Variants in AGBL1 observed in about 807,000 individuals in gnomAD.
AGBL1 encodes AGBL carboxypeptidase 1, also known as cytosolic carboxypeptidase 4.
AGBL1 carries 130 observed loss-of-function variants against 118.9 expected under a neutral mutation model. That is an observed-to-expected ratio of 1.09 (90% CI 0.95 to 1.26). The LOEUF (loss-of-function observed/expected upper bound fraction) is 1.26. AGBL1 is among the 50% of genes most tolerant of loss of function. The pLI, the probability that AGBL1 is intolerant of heterozygous loss-of-function variation, is 0.00. For synonymous variants in AGBL1, 555 were observed against 478.9 expected, an observed-to-expected ratio of 1.16 and a Z score of -2.08; for missense variants, 1,584 against 1,298.1, an observed-to-expected ratio of 1.22 and a Z score of -3.38.
chr15:86,930,040 T>C (rs1382440354), intron 23 of AGBL1, among the ~76,000 whole-genome samples: 1 of 152,288 alleles, frequency 6.6e-6, no homozygotes, highest in Admixed American at 6.5e-5. Context: ...CACGCTTGCT[T>C]GCCGAAGGAA....
At chr15:86,219,887 A>G (rs1291489038) in intron 5 of AGBL1, among the ~76,000 whole-genome samples, 1 of 149,364 alleles carries the variant, frequency 6.7e-6, no homozygotes, top group Non-Finnish European at 1.5e-5. Context: ...TAGAGAGAAG[A>G]CTTTAGGATC....
At position 86,911,576 on chromosome 15, in the gene AGBL1, T is replaced by C. The variant is rs930242753; in HGVS notation, c.*4282T>C. On this transcript the variant is annotated 3_prime_UTR_variant, in exon 23 of 23. Coordinates refer to ENST00000614907, the MANE Select transcript of AGBL1 (RefSeq NM_001386094.1). Reference sequence around the variant, plus strand: ...TGCCACAGAACATACCCTCTTTCTCTCTCATCGCACTTATGCTTGTGAGTG... The same window carrying C: ...TGCCACAGAACATACCCTCTTTCTCCCTCATCGCACTTATGCTTGTGAGTG... 6.6e-6 allele frequency: 1 copy of C among 152,198 alleles called. No homozygotes were observed. Among genetic ancestry groups the C allele is most frequent in the African/African-American group, 2.4e-5 (1 of 41,438 alleles). 9.4% of individuals were successfully genotyped at this position (152,198 alleles called of 1,614,324 possible). A position where few individuals can be genotyped will look rare whatever the true frequency, so the allele number is the denominator to read the frequency against.
At chr15:86,130,914 G>A (rs2076810769) in intron 1 of AGBL1, among the ~76,000 whole-genome samples, 1 of 152,254 alleles carries the variant, frequency 6.6e-6, no homozygotes, top group Non-Finnish European at 1.5e-5. Context: ...GTTGGCTGGG[G>A]TTGCAATTAT....
At chr15:86,375,295 C>A (rs570052090) in intron 17 of AGBL1, among the ~76,000 whole-genome samples, 1 of 152,136 alleles carries the variant, frequency 6.6e-6, no homozygotes, top group Non-Finnish European at 1.5e-5. Flanking sequence ...AAAGCAGGCA[C>A]CTTCTTCACA....
At chr15:86,977,381 CTTTA>C (rs2081186076) in intron 23 of AGBL1, among the ~76,000 whole-genome samples, 1 of 149,078 alleles carries the variant, frequency 6.7e-6, no homozygotes, top group Non-Finnish European at 1.5e-5. Context: ...GTTCCTTTTT[CTTTA>C]TTAAAGTTTT....
intron 21 of AGBL1, among the ~76,000 whole-genome samples, chr15:86,647,967 C>G (rs1246146116): frequency 2.0e-5 from 3 of 152,066 alleles, no homozygotes; most frequent in East Asian, 1.9e-4. Context: ...GCATGTCTGG[C>G]ATTTCTAAGG....
intron 22 of AGBL1, among the ~76,000 whole-genome samples, chr15:86,714,155 A>G (rs904694756): frequency 6.6e-6 from 1 of 152,154 alleles, no homozygotes; most frequent in Non-Finnish European, 1.5e-5. Context: ...AGGGGTGCAT[A>G]TAAACACAGA....
chr15:86,964,700 C>T (rs548352228), intron 23 of AGBL1, among the ~76,000 whole-genome samples: 1 of 151,134 alleles, frequency 6.6e-6, no homozygotes, highest in African/African-American at 2.4e-5. Flanking sequence ...AGGTTTGTTA[C>T]ATAGGTATAC....
intron 18 of AGBL1, among the ~76,000 whole-genome samples, chr15:86,423,909 C>T (rs1198644400): frequency 2.0e-5 from 3 of 152,150 alleles, no homozygotes; most frequent in Non-Finnish European, 4.4e-5. Context: ...AAAAACAATC[C>T]ATGTTCATGG....
chr15:86,835,441 G>C (rs1420517728), intron 22 of AGBL1, among the ~76,000 whole-genome samples: 1 of 152,182 alleles, frequency 6.6e-6, no homozygotes, highest in Non-Finnish European at 1.5e-5. Context: ...TAATTACTCA[G>C]TGAGAGTAAG....
chr15:86,973,517 G>A (rs958526328), intron 23 of AGBL1, among the ~76,000 whole-genome samples: 6 of 151,570 alleles, frequency 4.0e-5, no homozygotes, highest in African/African-American at 1.5e-4. Flanking sequence ...ATGTCAGGTT[G>A]GCCTAGCATG....
chr15:86,796,554 G>A (rs2078574840), intron 22 of AGBL1, among the ~76,000 whole-genome samples: 1 of 152,180 alleles, frequency 6.6e-6, no homozygotes, highest in Non-Finnish European at 1.5e-5. Context: ...TTTAGCTATG[G>A]CTTTGGAGTT....
chr15:86,969,808 G>A (rs942110185), intron 23 of AGBL1, among the ~76,000 whole-genome samples: 1 of 151,922 alleles, frequency 6.6e-6, no homozygotes, highest in Admixed American at 6.6e-5. Flanking sequence ...CCTACAGTGG[G>A]AATTTAAGGA....
chr15:86,425,845 T>C (rs902649637), intron 18 of AGBL1, among the ~76,000 whole-genome samples: 1 of 152,174 alleles, frequency 6.6e-6, no homozygotes, highest in Non-Finnish European at 1.5e-5. Context: ...GGCAACTCTA[T>C]GCTACTCATC....
At chr15:86,086,318 T>C (rs1379093768) in intron 1 of AGBL1, 1 of 152,152 alleles carries the variant, frequency 6.6e-6, no homozygotes, top group Non-Finnish European at 1.5e-5. Context: ...ATTTCAGAAA[T>C]GGGTGTATGG....
intron 22 of AGBL1, among the ~76,000 whole-genome samples, chr15:86,761,951 G>A (rs2078030237): frequency 6.6e-6 from 1 of 151,984 alleles, no homozygotes. Flanking sequence ...TTCTTCTAGG[G>A]TTTTTATAGT....
intron 22 of AGBL1, among the ~76,000 whole-genome samples, chr15:86,906,125 T>C (rs2141591060): frequency 6.6e-6 from 1 of 152,302 alleles, no homozygotes; most frequent in African/African-American, 2.4e-5. Context: ...GATGAACAGC[T>C]CTGCCTGATT....
chr15:86,810,354 T>A (rs1279823580), intron 22 of AGBL1, among the ~76,000 whole-genome samples: 1 of 152,082 alleles, frequency 6.6e-6, no homozygotes, highest in Non-Finnish European at 1.5e-5. Flanking sequence ...CAACACCCAG[T>A]CTATAGGGAG....
chr15:86,479,080 T>C (rs1217396763), intron 18 of AGBL1, among the ~76,000 whole-genome samples: 2 of 152,080 alleles, frequency 1.3e-5, no homozygotes, highest in Non-Finnish European at 2.9e-5. Context: ...CAAAAATCAA[T>C]TCAAGATGGA....
Sources: gnomAD v4.1 joint callset for allele counts (sites outside exome capture counted in the v4.1 genomes callset) on GRCh38, gnomAD v4.1.1 for gene constraint, MANE v1.5 for transcripts, NCBI Gene and HGNC (gene_info 2026-07-23, HGNC 2026-07-21) for gene names.